Variants in ZC3H12B observed in about 807,000 individuals in gnomAD.
ZC3H12B encodes zinc finger CCCH-type containing 12B.
In ZC3H12B, 7 loss-of-function variants were observed where a neutral mutation model predicts 43.9. That is an observed-to-expected ratio of 0.16 (90% CI 0.09 to 0.30). The LOEUF is 0.30. Ranked by LOEUF, ZC3H12B falls within the 10% of genes least tolerant of loss-of-function variation. The pLI, the probability that ZC3H12B is intolerant of heterozygous loss-of-function variation, is 1.00. For synonymous variants in ZC3H12B, 222 were observed against 241.7 expected (o/e 0.92, Z 0.76); for missense variants, 475 against 670.2 (o/e 0.71, Z 3.22).
the ZC3H12B span, among the ~76,000 whole-genome samples, chrX:65,067,221 TG>T: frequency 9.1e-6 from 1 of 110,443 alleles, no homozygotes; most frequent in Non-Finnish European, 1.9e-5. Context: ...ACTCAGTGTC[TG>T]CCCAAACAGC....
chrX:65,380,878 G>T (rs1190164334), intron 2 of ZC3H12B, among the ~76,000 whole-genome samples: 1 of 111,819 alleles, frequency 8.9e-6, no homozygotes, highest in Non-Finnish European at 1.9e-5. Flanking sequence ...TAATGGTAAA[G>T]GGATCAATTC....
At chrX:65,049,643 T>C in the ZC3H12B span, among the ~76,000 whole-genome samples, 1 of 111,728 alleles carries the variant, frequency 9.0e-6, no homozygotes, top group Non-Finnish European at 1.9e-5. Flanking sequence ...AATATTGTTT[T>C]GGCTATTGGG....
In ZC3H12B at chrX:65,498,990, T is replaced by C; in HGVS notation, c.749-9T>C. 2 of 1,167,496 alleles carry C rather than the reference T, an allele frequency of 1.7e-6. No homozygotes were observed. The highest frequency in any genetic ancestry group is 2.3e-6 in the Non-Finnish European group (2 of 855,725). The stretch of plus-strand genomic sequence containing the variant: ...TTCTGCTCTGTGGCATATAATCATA[T>C]TTTGACAGATCAAGATATTCTACGA... On this transcript the variant is annotated splice_polypyrimidine_tract_variant and intron_variant, in intron 2 of 4. Transcript: ENST00000338957.
chrX:65,112,904 A>C, the ZC3H12B span, among the ~76,000 whole-genome samples: 1 of 112,225 alleles, frequency 8.9e-6, no homozygotes, highest in Admixed American at 9.5e-5. Context: ...ACATTTCATA[A>C]GGCTCTAGCT....
intron 2 of ZC3H12B, among the ~76,000 whole-genome samples, chrX:65,397,976 T>C: frequency 8.9e-6 from 1 of 112,139 alleles, no homozygotes; most frequent in African/African-American, 3.2e-5. Context: ...AGCATTTCTA[T>C]ATGCCCACAT....
At chrX:65,377,629 C>T (rs780677833) in intron 2 of ZC3H12B, among the ~76,000 whole-genome samples, 1 of 110,835 alleles carries the variant, frequency 9.0e-6, no homozygotes, top group South Asian at 3.8e-4. Flanking sequence ...ACGTAAAGAG[C>T]TTTGGGGGAA....
At chrX:65,322,213 A>G in the ZC3H12B span, among the ~76,000 whole-genome samples, 1 of 111,241 alleles carries the variant, frequency 9.0e-6, no homozygotes, top group African/African-American at 3.3e-5. Flanking sequence ...TCTCTTAAAC[A>G]AACAGCTCTC....
At chrX:65,050,969 A>G in the ZC3H12B span, among the ~76,000 whole-genome samples, 732 of 111,334 alleles carry the variant, frequency 6.6e-3, 13 homozygotes, top group African/African-American at 0.023. Flanking sequence ...CTTCCCCTTC[A>G]ATTTTTTTGG....
chrX:65,279,288 C>T, the ZC3H12B span, among the ~76,000 whole-genome samples: 1 of 102,266 alleles, frequency 9.8e-6, no homozygotes, highest in East Asian at 2.9e-4. Context: ...CTCTCCGCAA[C>T]CTTACCAGCA....
the ZC3H12B span, among the ~76,000 whole-genome samples, chrX:65,047,632 C>G: frequency 9.0e-6 from 1 of 110,913 alleles, no homozygotes; most frequent in African/African-American, 3.3e-5. Flanking sequence ...CTCTTTCTTC[C>G]TAGTAATTTT....
intron 3 of ZC3H12B, among the ~76,000 whole-genome samples, chrX:65,472,660 C>G (rs2067932964): frequency 9.3e-6 from 1 of 106,981 alleles, no homozygotes; most frequent in Non-Finnish European, 1.9e-5. Context: ...TTTCCCATAA[C>G]TGTTTATTGA....
chrX:65,360,162 CAT>C, the ZC3H12B span, among the ~76,000 whole-genome samples: 1 of 112,198 alleles, frequency 8.9e-6, no homozygotes, highest in African/African-American at 3.2e-5. Flanking sequence ...AGAGTGTAAA[CAT>C]AACTTTTAAA....
chrX:65,242,781 A>G, the ZC3H12B span, among the ~76,000 whole-genome samples: 12,116 of 111,956 alleles, frequency 0.11, 1,551 homozygotes, highest in African/African-American at 0.37. Context: ...AAAAGCATAC[A>G]CATAGACTAA....
the ZC3H12B span, among the ~76,000 whole-genome samples, chrX:65,042,105 T>A: frequency 8.9e-6 from 1 of 112,655 alleles, no homozygotes; most frequent in African/African-American, 3.2e-5. Flanking sequence ...ATAATTTGCC[T>A]CTATTGTGTA....
the ZC3H12B span, among the ~76,000 whole-genome samples, chrX:65,159,815 G>A: frequency 8.9e-6 from 1 of 111,970 alleles, no homozygotes; most frequent in Non-Finnish European, 1.9e-5. Flanking sequence ...GAGGAGTGGT[G>A]AGAGAGGGCA....
At position 65,477,817 on chromosome X, in the gene ZC3H12B, CTGTGTGTGTGTG is replaced by C. The variant is rs746164349; in HGVS notation, n.408-10799_408-10788del. On this transcript the variant is annotated intron_variant and non_coding_transcript_variant, in intron 3 of 5. Transcript: ENST00000617377. ...GTTGGAAAAACTCAAAAACATTCCT[CTGTGTGTGTGTG>C]TGTGTGTGTGTGTGTGTGTGTGTGT... 8.6e-5 allele frequency among the ~76,000 whole-genome samples: 8 copies of C among 92,984 alleles called. 1 individual carries two copies. Among genetic ancestry groups the C allele is most frequent in the Middle Eastern group, 0.011 (2 of 187 alleles). The allele number at this position is 92,984 out of a possible 115,157, so 80.7% of individuals were successfully genotyped here. A position where few individuals can be genotyped will look rare whatever the true frequency, so the allele number is the denominator to read the frequency against.
chrX:65,470,785 C>T (rs934455900), intron 3 of ZC3H12B, among the ~76,000 whole-genome samples: 10 of 111,906 alleles, frequency 8.9e-5, no homozygotes, highest in African/African-American at 2.9e-4. Flanking sequence ...TCGTTTTTAA[C>T]CCAAAAATCA....
At chrX:65,455,687 A>C (rs2067598041) in intron 3 of ZC3H12B, among the ~76,000 whole-genome samples, 1 of 111,839 alleles carries the variant, frequency 8.9e-6, no homozygotes, top group Non-Finnish European at 1.9e-5. Flanking sequence ...AGATTCACCA[A>C]AGTTGAAATG....
chrX:65,365,817 A>G (rs1244161326), upstream of ZC3H12B, among the ~76,000 whole-genome samples: 1 of 105,937 alleles, frequency 9.4e-6, no homozygotes, highest in African/African-American at 3.5e-5. Flanking sequence ...TGTGACCCCC[A>G]CCCCTGTCCG....
Sources: gnomAD v4.1 joint callset for allele counts (sites outside exome capture counted in the v4.1 genomes callset) on GRCh38, gnomAD v4.1.1 for gene constraint, MANE v1.5 for transcripts, NCBI Gene and HGNC (gene_info 2026-07-23, HGNC 2026-07-21) for gene names.